The following REEP1 variants were observed in gnomAD, a reference collection of about 807,000 sequenced individuals.
The protein encoded by REEP1 is receptor accessory protein 1.
In REEP1, 22 loss-of-function variants were observed where a neutral mutation model predicts 40.3. The observed-to-expected ratio is 0.55, with a 90% CI of 0.39 to 0.78. REEP1 has a LOEUF of 0.78. Among genes scored for constraint, REEP1 ranks in the 30% least tolerant of loss-of-function variants. REEP1 has a pLI of 0.00. For synonymous variants in REEP1, 116 were observed against 139.2 expected (o/e 0.83, Z 1.17); for missense variants, 280 against 361.1 (o/e 0.78, Z 1.82).
rs1353354601 is a variant in REEP1 at position 86,215,580 on chromosome 2, A to G, written c.*1459T>C. On this transcript the variant is annotated 3_prime_UTR_variant, in exon 9 of 9. Coordinates refer to ENST00000538924, the MANE Select transcript of REEP1 (RefSeq NM_001371279.1). ...TAACTGGGTTGTGACCACTGCATGC[A>G]TTACACTGAAAGAAACACCAACTCG... The G allele has an allele frequency of 6.6e-6, 1 of 152,644 alleles. No homozygotes were observed. Among genetic ancestry groups the G allele is most frequent in the African/African-American group, 2.4e-5 (1 of 41,456 alleles). 9.5% of individuals were successfully genotyped at this position (152,644 alleles called of 1,614,324 possible).
At chr2:86,319,157 A>G (rs1680165344) in intron 1 of REEP1, among the ~76,000 whole-genome samples, 2 of 152,308 alleles carry the variant, frequency 1.3e-5, no homozygotes, top group East Asian at 1.9e-4. Context: ...TGCATAAGAT[A>G]GCCTGGAGAG....
chr2:86,305,753 C>G (rs564558392), intron 1 of REEP1, among the ~76,000 whole-genome samples: 1 of 152,268 alleles, frequency 6.6e-6, no homozygotes, highest in East Asian at 1.9e-4. Context: ...AGGCTTTGGA[C>G]TTTTCCTCTG....
rs1318333678 is a variant in REEP1, at chr2:86,279,036, C to T, written c.105+3134G>A. ...CCATTTTTATTTAGGAGAGCTCCCT[C>T]TGCTTCCTGACCAGCCCTGGTGGTT... On this transcript the variant is annotated intron_variant, in intron 2 of 8. Transcript: ENST00000538924. Among the ~76,000 whole-genome samples, 5 of 152,242 alleles carry T rather than the reference C, an allele frequency of 3.3e-5. No individual in the cohort carries two copies. The South Asian group carries it at 1.0e-3, about 32-fold the overall frequency.
chr2:86,332,740 AG>A (rs1680835665), intron 1 of REEP1, among the ~76,000 whole-genome samples: 1 of 152,268 alleles, frequency 6.6e-6, no homozygotes, highest in Admixed American at 6.5e-5. Flanking sequence ...AGGCAGGATT[AG>A]CAAACAAAGA....
Position 86,293,919 on chromosome 2 carries a change from A to C in REEP1, c.33-11677T>G, listed in dbSNP as rs376665748. ...CAATCCAAGTGACCATCAACAGATG[A>C]ATAAATAATGAATATTATTCATCCT... On this transcript the variant is annotated intron_variant, in intron 1 of 8. Coordinates refer to ENST00000538924, the MANE Select transcript of REEP1 (RefSeq NM_001371279.1). Among the ~76,000 whole-genome samples the C allele has an allele frequency of 2.0e-3, 300 of 152,346 alleles. 2 individuals carry two copies. The highest frequency in any genetic ancestry group is 6.3e-3 in the African/African-American group (260 of 41,576).
chr2:86,251,598 C>T (rs1345177884), intron 5 of REEP1: 3 of 340,820 alleles, frequency 8.8e-6, no homozygotes, highest in Non-Finnish European at 1.1e-5. Flanking sequence ...CTCTCCCTCT[C>T]TCCCCTGCCC....
chr2:86,226,472 T>C (rs56243378), intron 7 of REEP1, among the ~76,000 whole-genome samples: 42,098 of 122,690 alleles, frequency 0.34, 7,694 homozygotes, highest in East Asian at 0.61. Flanking sequence ...TCTTTTCTTT[T>C]TTTTTTTTTT....
intron 1 of REEP1, among the ~76,000 whole-genome samples, chr2:86,292,213 CA>C (rs1042438242): frequency 2.0e-4 from 30 of 152,314 alleles, no homozygotes; most frequent in African/African-American, 7.0e-4. Context: ...CTACTTTCAA[CA>C]GCCACTATGC....
intron 7 of REEP1, among the ~76,000 whole-genome samples, chr2:86,227,124 C>T (rs1674750307): frequency 6.6e-6 from 1 of 152,220 alleles, no homozygotes; most frequent in Non-Finnish European, 1.5e-5. Flanking sequence ...AGGCTGACAT[C>T]TTGACTGCAG....
At chr2:86,238,983 C>T (rs968439380) in intron 5 of REEP1, among the ~76,000 whole-genome samples, 2 of 152,142 alleles carry the variant, frequency 1.3e-5, no homozygotes, top group East Asian at 1.9e-4. Context: ...GTGGTTTCTT[C>T]GTAAACAACC....
intron 5 of REEP1, among the ~76,000 whole-genome samples, chr2:86,249,022 G>A (rs952794308): frequency 6.6e-6 from 1 of 152,188 alleles, no homozygotes; most frequent in Non-Finnish European, 1.5e-5. Flanking sequence ...ACTTTGGGAG[G>A]CTGAGGCGGG....
intron 1 of REEP1, among the ~76,000 whole-genome samples, chr2:86,331,170 C>T (rs1306032833): frequency 2.0e-5 from 3 of 152,186 alleles, no homozygotes; most frequent in South Asian, 2.1e-4. Flanking sequence ...CTTTAGATGC[C>T]TCAGCCCTAA....
At chr2:86,246,018 C>T (rs888403903) in intron 5 of REEP1, among the ~76,000 whole-genome samples, 3 of 152,142 alleles carry the variant, frequency 2.0e-5, no homozygotes, top group Non-Finnish European at 4.4e-5. Flanking sequence ...CCCGCCTTGG[C>T]CTCCCAAAGT....
At chr2:86,228,492 CT>C (rs1264750771) in intron 6 of REEP1, among the ~76,000 whole-genome samples, 3 of 147,504 alleles carry the variant, frequency 2.0e-5, no homozygotes, top group Admixed American at 1.4e-4. Context: ...GAGTTTCACT[CT>C]TGTTGCCCAG....
chr2:86,255,066 C>G (rs1160806216), intron 3 of REEP1: 1 of 432,502 alleles, frequency 2.3e-6, no homozygotes, highest in African/African-American at 2.0e-5. Context: ...AACACAGGTT[C>G]TCTCCAGCAA....
intron 3 of REEP1, among the ~76,000 whole-genome samples, chr2:86,257,942 C>T (rs948784572): frequency 1.8e-4 from 28 of 152,166 alleles, no homozygotes; most frequent in African/African-American, 6.8e-4. Context: ...ATCTTAATGG[C>T]TGCATACGAG....
At chr2:86,235,089 C>T (rs1675242854) in intron 5 of REEP1, among the ~76,000 whole-genome samples, 1 of 152,230 alleles carries the variant, frequency 6.6e-6, no homozygotes, top group South Asian at 2.1e-4. Flanking sequence ...GTTTACTTTA[C>T]TTGTTCAACA....
intron 2 of REEP1, 38 bp downstream of exon 2, chr2:86,282,132 T>A (rs1678129060): frequency 2.1e-6 from 3 of 1,462,794 alleles, no homozygotes; most frequent in Non-Finnish European, 2.9e-6. Flanking sequence ...CTGACCTGAC[T>A]CCAGCCAACC....
At chr2:86,288,424 G>A (rs974990531) in intron 1 of REEP1, among the ~76,000 whole-genome samples, 1 of 152,140 alleles carries the variant, frequency 6.6e-6, no homozygotes, top group African/African-American at 2.4e-5. Flanking sequence ...CCAAGTAGCT[G>A]GGATTACAGG....
Sources: gnomAD v4.1 joint callset for allele counts (sites outside exome capture counted in the v4.1 genomes callset) on GRCh38, gnomAD v4.1.1 for gene constraint, MANE v1.5 for transcripts, NCBI Gene and HGNC (gene_info 2026-07-23, HGNC 2026-07-21) for gene names.